The following NRG2 variants were observed in gnomAD, a reference collection of about 807,000 sequenced individuals.
The protein encoded by NRG2 is pro-neuregulin-2, membrane-bound isoform.
NRG2 carries 27 observed loss-of-function variants against 73.9 expected under a neutral mutation model. The observed-to-expected ratio is 0.37, with a 90% CI of 0.27 to 0.50. The LOEUF (loss-of-function observed/expected upper bound fraction) is 0.50, where lower values mean the gene tolerates loss of function less well. Ranked by LOEUF, NRG2 falls within the 20% of genes least tolerant of loss-of-function variation. NRG2 has a pLI of 0.96. For synonymous variants in NRG2, 532 were observed against 541.0 expected, an observed-to-expected ratio of 0.98 and a Z score of 0.23; for missense variants, 1,126 against 1,210.1, an observed-to-expected ratio of 0.93 and a Z score of 1.03.
In NRG2 at chr5:139,847,833, T is replaced by C; in HGVS notation, c.*84A>G. ...AAAATAAAAATATTTTTATTTCTTT[T>C]TTCCTCCTTTCTCTCCAGTAGGCGG... On this transcript the variant is annotated 3_prime_UTR_variant, in exon 10 of 10. Transcript: ENST00000361474. The C allele has an allele frequency of 4.0e-6, 3 of 757,374 alleles. No homozygotes were observed. The highest frequency in any genetic ancestry group is 5.5e-6 in the Non-Finnish European group (3 of 542,558). The allele number at this position is 757,374 out of a possible 1,614,324, so 46.9% of individuals were successfully genotyped here.
intron 1 of NRG2, among the ~76,000 whole-genome samples, chr5:140,029,344 C>T (rs542589170): frequency 6.6e-6 from 1 of 152,310 alleles, no homozygotes; most frequent in South Asian, 2.1e-4. Context: ...CCACTAATGA[C>T]AGACATGACA....
Position 139,848,016 on chromosome 5 carries a change from G to C in NRG2, c.2454C>G (p.Ser818Arg). The change falls in exon 10 of 10, where the codon AGC becomes AGG. Residue 818 changes from serine to arginine, a missense_variant. Ser to Arg is a moderately radical substitution (Grantham distance 110, BLOSUM62 -1). Around this residue, in one of 3 missense-constraint regions of NRG2, gnomAD observed 402 missense variants for 357.8 expected, o/e 1.12. Coordinates refer to ENST00000361474, the MANE Select transcript of NRG2 (RefSeq NM_004883.3). ...GGCTGTCCAGTGAGTAGTAAGTCCTGCTGTCGGCCGCCGGGCACAGTGGCG... is the reference window on the plus strand; with the variant it reads ...GGCTGTCCAGTGAGTAGTAAGTCCTCCTGTCGGCCGCCGGGCACAGTGGCG... ...DSPPLCPAAD[S>R]RTYYSLDSHS... 6.6e-7 allele frequency: 1 copy of C among 1,512,130 alleles called. No homozygotes were observed. Among genetic ancestry groups the C allele is most frequent in the Non-Finnish European group, 8.8e-7 (1 of 1,134,996 alleles). The allele number at this position is 1,512,130 out of a possible 1,614,324, so 93.7% of individuals were successfully genotyped here.
At chr5:139,947,164 G>A (rs1319349751) in intron 1 of NRG2, among the ~76,000 whole-genome samples, 2 of 152,102 alleles carry the variant, frequency 1.3e-5, no homozygotes, top group Admixed American at 1.3e-4. Flanking sequence ...TATTCAAAGA[G>A]TGGTACAACC....
intron 1 of NRG2, among the ~76,000 whole-genome samples, chr5:139,963,787 T>G (rs1481011599): frequency 6.6e-6 from 1 of 152,112 alleles, no homozygotes; most frequent in East Asian, 1.9e-4. Flanking sequence ...CTGGTGGCCT[T>G]GAATGTCCTC....
rs76429141 is a variant in NRG2 at position 140,026,953 on chromosome 5, G to A, written c.700+15417C>T. On this transcript the variant is annotated intron_variant, in intron 1 of 9. Transcript: ENST00000361474. ...AAAGGCAATGCCTCGAAGAATGTTT[G>A]AGACAAACAAAAGTCCTTCCGTGGG... Among the ~76,000 whole-genome samples, 670 of 152,284 alleles carry A rather than the reference G, an allele frequency of 4.4e-3. 6 individuals carry two copies. The highest frequency in any genetic ancestry group is 0.015 in the African/African-American group (631 of 41,560).
chr5:140,028,213 G>A (rs949065333), intron 1 of NRG2, among the ~76,000 whole-genome samples: 2 of 152,188 alleles, frequency 1.3e-5, no homozygotes, highest in Non-Finnish European at 2.9e-5. Context: ...TACTATTAAT[G>A]TCCTGGTTTT....
rs576807080 is a variant in NRG2, at chr5:139,856,676, A to G, written c.1190-898T>C. 2.6e-5 allele frequency among the ~76,000 whole-genome samples: 4 copies of G among 152,320 alleles called. No individual in the cohort carries two copies. The South Asian group carries it at 6.2e-4, about 24-fold the overall frequency. On this transcript the variant is annotated intron_variant, in intron 5 of 9. Coordinates refer to ENST00000361474, the MANE Select transcript of NRG2 (RefSeq NM_004883.3). The surrounding 1 kb of genome is among the most constrained non-coding windows in gnomAD (Gnocchi z 4.2). ...GTCCCTAACCTCTTGGGCTTGCAGC[A>G]TATCCTGTGGCAAAGGTGTACACAC...
At position 140,042,981 on chromosome 5, in the gene NRG2, C is replaced by A; in HGVS notation, c.89G>T (p.Ser30Ile). 7.0e-7 allele frequency: 1 copy of A among 1,431,028 alleles called. No homozygotes were observed. 88.6% of individuals were successfully genotyped at this position (1,431,028 alleles called of 1,614,324 possible). The change falls in exon 1 of 10, where the codon AGC becomes ATC. Residue 30 changes from serine to isoleucine, a missense_variant. By Grantham distance (142) the Ser-to-Ile change is moderately radical (BLOSUM62 -2). Transcript: ENST00000361474. ...GCTGCTGCTGCTGCTGCTCCTCTCG[C>A]TGCTGCTGCTGCTGCTGTCGCTGTA... ...SSYSDSSSSS[S>I]ERSSSSSSSS...
chr5:139,908,175 T>C (rs973964805), intron 1 of NRG2, among the ~76,000 whole-genome samples: 1 of 152,252 alleles, frequency 6.6e-6, no homozygotes, highest in East Asian at 1.9e-4. Flanking sequence ...AGGTGAGAGA[T>C]ACACTTGGAC....
At chr5:139,862,694 G>GC (rs1762230635) in intron 5 of NRG2, among the ~76,000 whole-genome samples, 1 of 152,264 alleles carries the variant, frequency 6.6e-6, no homozygotes, top group African/African-American at 2.4e-5. Context: ...GCAGGTGTGA[G>GC]CACATGCTCA....
At chr5:139,999,853 C>G (rs1229251314) in intron 1 of NRG2, among the ~76,000 whole-genome samples, 8 of 152,118 alleles carry the variant, frequency 5.3e-5, no homozygotes, top group Admixed American at 5.2e-4. Context: ...CTATACCCAC[C>G]CAGAGGGAAC....
Position 140,008,048 on chromosome 5 carries a change from A to G in NRG2, c.700+34322T>C, listed in dbSNP as rs1419742235. Among the ~76,000 whole-genome samples the G allele has an allele frequency of 6.6e-6, 1 of 152,232 alleles. No individual in the cohort carries two copies. Among genetic ancestry groups the G allele is most frequent in the African/African-American group, 2.4e-5 (1 of 41,476 alleles). On this transcript the variant is annotated intron_variant, in intron 1 of 9. Coordinates refer to ENST00000361474, the MANE Select transcript of NRG2 (RefSeq NM_004883.3). This position sits in a 1 kb window ranked among gnomAD's most constrained non-coding sequence, Gnocchi z 4.2. Reference sequence around the variant, plus strand: ...CACAGCCGCCAGTCCTATAGTAGGAAGCTGTCACTCTCTAGTGTCATTTCA... The same window carrying G: ...CACAGCCGCCAGTCCTATAGTAGGAGGCTGTCACTCTCTAGTGTCATTTCA...
intron 2 of NRG2, among the ~76,000 whole-genome samples, chr5:139,882,443 T>C (rs1225644172): frequency 6.6e-6 from 1 of 152,218 alleles, no homozygotes; most frequent in Non-Finnish European, 1.5e-5. Flanking sequence ...TGGTGACAGC[T>C]GCTTAACTAT....
intron 1 of NRG2, among the ~76,000 whole-genome samples, chr5:139,890,061 C>A (rs752466275): frequency 6.6e-6 from 1 of 152,052 alleles, no homozygotes; most frequent in Non-Finnish European, 1.5e-5. Context: ...TGCCAAATTG[C>A]CCTTTGGAAA....
chr5:139,966,544 TA>T (rs1755533855), intron 1 of NRG2, among the ~76,000 whole-genome samples: 1 of 151,944 alleles, frequency 6.6e-6, no homozygotes, highest in African/African-American at 2.4e-5. Context: ...GATGAGCTCT[TA>T]GGGGTGGTGT....
intron 1 of NRG2, among the ~76,000 whole-genome samples, chr5:139,923,982 C>G (rs1355621662): frequency 6.7e-6 from 1 of 148,916 alleles, no homozygotes; most frequent in African/African-American, 2.6e-5. Flanking sequence ...TCTGACAGCT[C>G]TAAGGAGCAG....
At chr5:140,017,034 A>T (rs762709902) in intron 1 of NRG2, among the ~76,000 whole-genome samples, 3 of 152,248 alleles carry the variant, frequency 2.0e-5, no homozygotes, top group Non-Finnish European at 2.9e-5. Context: ...AAAGCTCACT[A>T]TGTGGAGAAT....
At chr5:139,877,576 AG>A (rs763231623) in intron 3 of NRG2, among the ~76,000 whole-genome samples, 2 of 152,240 alleles carry the variant, frequency 1.3e-5, no homozygotes, top group Non-Finnish European at 2.9e-5. Context: ...AAACATCCCC[AG>A]CAGGGGCCTC....
intron 1 of NRG2, among the ~76,000 whole-genome samples, chr5:139,949,447 T>C (rs956028847): frequency 2.6e-5 from 4 of 152,324 alleles, no homozygotes; most frequent in African/African-American, 9.6e-5. Context: ...TTTTAACTAA[T>C]ACTTTTTTTT....
Sources: gnomAD v4.1 joint callset for allele counts (sites outside exome capture counted in the v4.1 genomes callset) on GRCh38, gnomAD v4.1.1 for gene constraint, gnomAD v4.1.1 regional missense constraint, Gnocchi (gnomAD v3.1) non-coding constraint, MANE v1.5 for transcripts, NCBI Gene and HGNC (gene_info 2026-07-23, HGNC 2026-07-21) for gene names.